MYO7A: variants seen among roughly 807,000 people sequenced by gnomAD.
MYO7A encodes unconventional myosin-VIIa.
In MYO7A, 210 loss-of-function variants were observed where a neutral mutation model predicts 263.8. That is an observed-to-expected ratio of 0.80 (90% CI 0.71 to 0.89). The LOEUF (loss-of-function observed/expected upper bound fraction) is 0.89. Ranked by LOEUF, MYO7A falls within the 40% of genes least tolerant of loss-of-function variation. MYO7A has a pLI of 0.00. For missense variants in MYO7A, 2,820 were observed against 2,968.3 expected (o/e 0.95, Z 1.16); for synonymous variants, 1,239 against 1,197.3 (o/e 1.03, Z -0.72).
chr11:77,214,062 A>G lies in MYO7A; in HGVS notation c.6558+83A>G, dbSNP rs1958021166. On this transcript the variant is annotated intron_variant, in intron 48 of 48. Coordinates refer to ENST00000409709, the MANE Select transcript of MYO7A (RefSeq NM_000260.4). ...GCCTCCCAGGGCCTGGAACAAACAC[A>G]GTAGTGTGCGGCTGGGCCTGGGGTC... 2.5e-6 allele frequency: 4 copies of G among 1,579,286 alleles called. No individual in the cohort carries two copies. In the East Asian group the frequency reaches 6.7e-5, roughly 27 times the overall value.
intron 16 of MYO7A, among the ~76,000 whole-genome samples, chr11:77,174,306 G>A (rs1234942597): frequency 1.3e-5 from 2 of 152,096 alleles, no homozygotes; most frequent in Non-Finnish European, 1.5e-5. Flanking sequence ...GTCCTCCCTG[G>A]GGCTGTGCAG....
chr11:77,170,249 G>A (rs1449755300), intron 15 of MYO7A, among the ~76,000 whole-genome samples: 2 of 152,192 alleles, frequency 1.3e-5, no homozygotes, highest in Admixed American at 6.5e-5. Flanking sequence ...TGAGCAGGAG[G>A]TGAGGAAGAA....
chr11:77,215,195 T>C lies in MYO7A; in HGVS notation c.*499T>C, dbSNP rs1171249624. 2 of 160,620 alleles carry C rather than the reference T, an allele frequency of 1.2e-5. No homozygotes were observed. Among genetic ancestry groups the C allele is most frequent in the Non-Finnish European group, 2.7e-5 (2 of 73,434 alleles). The allele number at this position is 160,620 out of a possible 1,614,324, so 9.9% of individuals were successfully genotyped here. A position where few individuals can be genotyped will look rare whatever the true frequency, so the allele number is the denominator to read the frequency against. ...TGTGAATGCTGGGCCCCTGCTCAAG[T>C]CTACCCTGATCACCTCAGGGCATAA... On this transcript the variant is annotated 3_prime_UTR_variant, in exon 49 of 49. Transcript: ENST00000409709.
At chr11:77,158,209 C>T (rs1555065359) in intron 8 of MYO7A, 68 bp from the exon 9 acceptor site, 5 of 1,463,390 alleles carry the variant, frequency 3.4e-6, no homozygotes, top group Non-Finnish European at 4.5e-6. Context: ...GGGCAGGCAG[C>T]CAGGCACTGC....
intron 9 of MYO7A, 32 bp downstream of exon 9, chr11:77,158,462 C>G: frequency 6.2e-7 from 1 of 1,603,320 alleles, no homozygotes; most frequent in Non-Finnish European, 8.5e-7. Flanking sequence ...CCTGCCCCAC[C>G]CCTGCGCCAA....
rs776862829 is a variant in MYO7A at position 77,190,077 on chromosome 11, C to T, written c.3688C>T (p.Arg1230Cys). ...CGGCTACGCCCCGTACTGTGAGGAG[C>T]GCCTGAGAAGGACCTTTGTCAATGG... ...PPGYAPYCEE[R>C]LRRTFVNGTR... Residue 1230 changes from arginine to cysteine, a missense_variant, in exon 29 of 49, where the codon CGC becomes TGC. Arg to Cys is a radical substitution (Grantham distance 180, BLOSUM62 -3). Coordinates refer to ENST00000409709, the MANE Select transcript of MYO7A (RefSeq NM_000260.4). 1.2e-5 allele frequency: 19 copies of T among 1,578,370 alleles called. No individual in the cohort carries two copies. The highest frequency in any genetic ancestry group is 7.0e-5 in the East Asian group (3 of 43,048).
intron 18 of MYO7A, among the ~76,000 whole-genome samples, chr11:77,177,088 C>G (rs1565396309): frequency 1.3e-5 from 2 of 152,162 alleles, no homozygotes; most frequent in East Asian, 1.9e-4. Flanking sequence ...TGAGGAGGGT[C>G]CCTCTGGCTG....
intron 14 of MYO7A, among the ~76,000 whole-genome samples, chr11:77,163,785 G>A (rs187903433): frequency 1.1e-4 from 16 of 151,564 alleles, no homozygotes; most frequent in East Asian, 7.8e-4. Flanking sequence ...ATAGTATTTC[G>A]TTGTGTGGAT....
At position 77,162,029 on chromosome 11, in the gene MYO7A, A is replaced by AT. The variant is rs540857929; in HGVS notation, c.1344-90dup. On this transcript the variant is annotated intron_variant, in intron 12 of 48. Coordinates refer to ENST00000409709, the MANE Select transcript of MYO7A (RefSeq NM_000260.4). ...AGTCCATGATGGGGATAGCTTGCTA[A>AT]TGGCCATGCTGCAGGTGGAGGCAGA... is the stretch of plus-strand genomic sequence containing the variant. 701 of 1,183,476 alleles carry AT rather than the reference A, an allele frequency of 5.9e-4. 2 individuals are homozygous for AT. The African/African-American group carries it at 9.9e-3, about 17-fold the overall frequency. The allele number at this position is 1,183,476 out of a possible 1,614,324, so 73.3% of individuals were successfully genotyped here.
chr11:77,181,283 C>T (rs1488867067), intron 22 of MYO7A, 97 bp from the exon 23 acceptor site: 15 of 1,160,256 alleles, frequency 1.3e-5, no homozygotes, highest in African/African-American at 3.1e-5. Context: ...GGACTGAGGC[C>T]CTGGCTGCTG....
intron 36 of MYO7A, 53 bp from the exon 37 acceptor site, chr11:77,202,247 C>A: frequency 6.5e-7 from 1 of 1,528,978 alleles, no homozygotes; most frequent in Non-Finnish European, 8.8e-7. Flanking sequence ...CATGTTGATC[C>A]TGGTGGCCAC....
intron 44 of MYO7A, chr11:77,209,096 G>C (rs532020403): frequency 2.7e-6 from 1 of 377,242 alleles, no homozygotes; most frequent in Non-Finnish European, 4.9e-6. Flanking sequence ...AGATTCTGCT[G>C]TTGTAACTGG....
intron 46 of MYO7A, 70 bp downstream of exon 46, chr11:77,212,007 C>A: frequency 7.8e-7 from 1 of 1,288,102 alleles, no homozygotes; most frequent in Non-Finnish European, 1.1e-6. Context: ...AGACTCCTCC[C>A]TAGGACTGTG....
chr11:77,151,849 C>G (rs568304918), intron 4 of MYO7A, among the ~76,000 whole-genome samples: 4 of 152,344 alleles, frequency 2.6e-5, no homozygotes, highest in African/African-American at 9.6e-5. Context: ...CAGCTGCTGG[C>G]TCTGTCAGTC....
chr11:77,174,855 G>A lies in MYO7A; in HGVS notation c.2035G>A (p.Val679Ile), dbSNP rs35641839. 3.2e-3 allele frequency: 5,194 copies of A among 1,613,706 alleles called. 124 individuals carry two copies. The African/African-American group carries it at 0.06, about 19-fold the overall frequency. The part of the protein sequence containing the change: ...RAGYPIRYSF[V>I]EFVERYRVLL... The stretch of plus-strand genomic sequence containing the variant: ...TGGCTACCCCATCCGCTACAGCTTC[G>A]TAGAGTTTGTGGAGCGGTACCGTGT... The change falls in exon 17 of 49, where the codon GTA (valine) becomes ATA (isoleucine). Residue 679 changes from valine (V) to isoleucine (I), a missense_variant. By Grantham distance (29) the Val-to-Ile change is conservative. Coordinates refer to ENST00000409709, the MANE Select transcript of MYO7A (RefSeq NM_000260.4).
intron 39 of MYO7A, 42 bp from the exon 40 acceptor site, chr11:77,205,420 G>T (rs752081143): frequency 1.3e-6 from 2 of 1,541,968 alleles, no homozygotes; most frequent in Admixed American, 2.0e-5. Context: ...TGTGACTCCC[G>T]ATGGCAGCTG....
chr11:77,180,041 G>A, intron 21 of MYO7A, 88 bp downstream of exon 21: 1 of 1,339,652 alleles, frequency 7.5e-7, no homozygotes. Flanking sequence ...CCAGGAAGTG[G>A]GACCTATAGG....
At position 77,181,394 on chromosome 11, in the gene MYO7A, G is replaced by C. The variant is rs781852443; in HGVS notation, c.2709G>C (p.Gln903His). 3 of 1,569,470 alleles carry C rather than the reference G, an allele frequency of 1.9e-6. No homozygotes were observed. Among genetic ancestry groups the C allele is most frequent in the Non-Finnish European group, 2.6e-6 (3 of 1,158,332 alleles). Reference protein sequence around the residue: ...AERKHQERLAQLAREDAEREL... With the variant: ...AERKHQERLAHLAREDAEREL... The stretch of plus-strand genomic sequence containing the variant: ...CAATTGCCCAGGAGCGCCTGGCCCA[G>C]CTGGCTCGTGAGGACGCTGAGCGGG... The change falls in exon 23 of 49, where the codon CAG (glutamine) becomes CAC (histidine). Residue 903 changes from glutamine (Q) to histidine (H), a missense_variant. Coordinates refer to ENST00000409709, the MANE Select transcript of MYO7A (RefSeq NM_000260.4).
chr11:77,189,152 A>C (rs535038308), intron 27 of MYO7A, among the ~76,000 whole-genome samples, 192 bp from the exon 28 acceptor site: 57 of 152,092 alleles, frequency 3.7e-4, no homozygotes, highest in Non-Finnish European at 6.8e-4. Context: ...ATGCCCGATG[A>C]TCCTGTCTCC....
Sources: allele counts gnomAD v4.1 joint callset (sites outside exome capture counted in the v4.1 genomes callset), GRCh38; gene constraint gnomAD v4.1.1; transcripts MANE v1.5; gene names NCBI Gene and HGNC (gene_info 2026-07-23, HGNC 2026-07-21).